The following FBXO25 variants were observed in gnomAD, a reference collection of about 807,000 sequenced individuals.
FBXO25 encodes F-box only protein 25.
Under a neutral mutation model 51.9 loss-of-function variants are expected in FBXO25, and 45 were observed. The observed-to-expected ratio is 0.87, with a 90% CI of 0.68 to 1.11. FBXO25 has a LOEUF of 1.11. Ranked by LOEUF, FBXO25 falls within the 50% of genes most tolerant of loss-of-function variation. The pLI, the probability that FBXO25 is intolerant of heterozygous loss-of-function variation, is 0.00. For synonymous variants in FBXO25, 199 were observed against 151.0 expected, an observed-to-expected ratio of 1.32 and a Z score of -2.33; for missense variants, 507 against 428.5, an observed-to-expected ratio of 1.18 and a Z score of -1.62.
rs1800453663 is a variant in FBXO25, at chr8:470,658, G to T, written c.*1854G>T. The T allele has an allele frequency of 6.6e-6, 1 of 152,218 alleles. No individual in the cohort carries two copies. Among genetic ancestry groups the T allele is most frequent in the African/African-American group, 2.4e-5 (1 of 41,446 alleles). The allele number at this position is 152,218 out of a possible 1,614,324, so 9.4% of individuals were successfully genotyped here. On this transcript the variant is annotated 3_prime_UTR_variant, in exon 10 of 10. Transcript: ENST00000350302. ...AGCTTCCCAAAGTGCTGGGATTACAGGCATGAGCCACCACGTCCAGCTGAG... is the reference window on the plus strand; with the variant it reads ...AGCTTCCCAAAGTGCTGGGATTACATGCATGAGCCACCACGTCCAGCTGAG...
At chr8:427,549 C>A (rs1279128908) in intron 2 of FBXO25, among the ~76,000 whole-genome samples, 2 of 150,478 alleles carry the variant, frequency 1.3e-5, no homozygotes, top group Non-Finnish European at 3.0e-5. Flanking sequence ...TCCATAACCA[C>A]AAACTCAGTG....
chr8:432,269 C>T (rs999532326), intron 3 of FBXO25, among the ~76,000 whole-genome samples: 1 of 151,950 alleles, frequency 6.6e-6, no homozygotes, highest in Admixed American at 6.6e-5. Flanking sequence ...GGAGGATTTG[C>T]ATCCCAGGCA....
At chr8:462,954 T>C (rs968637944) in intron 8 of FBXO25, 53 bp from the exon 9 acceptor site, 4 of 1,558,750 alleles carry the variant, frequency 2.6e-6, no homozygotes, top group Non-Finnish European at 3.5e-6. Context: ...CACCTAATAT[T>C]ATGTTTTGAA....
Position 477,222 on chromosome 8 carries a change from G to A in FBXO25, c.*8418G>A, listed in dbSNP as rs1432299846. The A allele has an allele frequency of 6.6e-6, 1 of 152,272 alleles. No individual in the cohort carries two copies. Among genetic ancestry groups the A allele is most frequent in the South Asian group, 2.1e-4 (1 of 4,826 alleles). 9.4% of individuals were successfully genotyped at this position (152,272 alleles called of 1,614,324 possible). ...AACATACTGTCTATCCTAGAGAAAG[G>A]TCCATTTGCACTTGAGAAAAACGTG... On this transcript the variant is annotated 3_prime_UTR_variant, in exon 10 of 10. Transcript: ENST00000350302.
At chr8:467,194 G>A (rs1331729364) in intron 9 of FBXO25, among the ~76,000 whole-genome samples, 3 of 152,182 alleles carry the variant, frequency 2.0e-5, no homozygotes, top group Non-Finnish European at 4.4e-5. Context: ...GCTTGGGTCT[G>A]TGTTGGAAAG....
intron 7 of FBXO25, among the ~76,000 whole-genome samples, chr8:456,524 C>T (rs139999846): frequency 1.3e-3 from 204 of 152,292 alleles, no homozygotes; most frequent in African/African-American, 4.7e-3. Flanking sequence ...GAAGTGATGT[C>T]TCTTGGACTG....
Position 429,641 on chromosome 8 carries a change from A to G in FBXO25, c.135-1700A>G, listed in dbSNP as rs199816566. Among the ~76,000 whole-genome samples the G allele has an allele frequency of 2.6e-5, 4 of 152,352 alleles. No homozygotes were observed. In the East Asian group the frequency reaches 5.8e-4, roughly 22 times the overall value. On this transcript the variant is annotated intron_variant, in intron 2 of 9. Coordinates refer to ENST00000350302, the MANE Select transcript of FBXO25 (RefSeq NM_183420.2). ...TACATTTTTGTTTACCTGACAGTGTAAAACCCACAACCAAAAAGTAATGGC... is the reference window on the plus strand; with the variant it reads ...TACATTTTTGTTTACCTGACAGTGTGAAACCCACAACCAAAAAGTAATGGC...
chr8:431,352 G>C lies in FBXO25; in HGVS notation c.146G>C (p.Ser49Thr). 1.3e-6 allele frequency: 2 copies of C among 1,486,282 alleles called. No homozygotes were observed. Among genetic ancestry groups the C allele is most frequent in the Non-Finnish European group, 1.8e-6 (2 of 1,094,216 alleles). The allele number at this position is 1,486,282 out of a possible 1,614,324, so 92.1% of individuals were successfully genotyped here. A position where few individuals can be genotyped will look rare whatever the true frequency, so the allele number is the denominator to read the frequency against. Residue 49 changes from serine to threonine, a missense_variant, in exon 3 of 10, where the codon AGT (serine) becomes ACT (threonine). By Grantham distance (58) the Ser-to-Thr change is moderately conservative. Coordinates refer to ENST00000350302, the MANE Select transcript of FBXO25 (RefSeq NM_183420.2). ...CNISHSIILN[S>T]EDGEIFNNEE... ...TGTCTTTATTTCAGTATCTTAAATA[G>C]TGAAGATGGAGAAATATTCAATAAT...
At chr8:431,611 C>G (rs184042762) in intron 3 of FBXO25, among the ~76,000 whole-genome samples, 167 bp downstream of exon 3, 1 of 152,180 alleles carries the variant, frequency 6.6e-6, no homozygotes. Context: ...GCAGCTCAAC[C>G]GTTTCAGTGG....
At position 468,803 on chromosome 8, in the gene FBXO25, A is replaced by G. The variant is rs1800362576; in HGVS notation, c.1076A>G (p.Ter359=). 6.2e-7 allele frequency: 1 copy of G among 1,613,602 alleles called. No homozygotes were observed. Among genetic ancestry groups the G allele is most frequent in the Admixed American group, 1.7e-5 (1 of 59,984 alleles). The change falls in exon 10 of 10, where the codon TAA becomes TGA. Residue 359 remains the stop codon, a stop_retained_variant. Coordinates refer to ENST00000350302, the MANE Select transcript of FBXO25 (RefSeq NM_183420.2). ...CACTTCATCGACCTCTTCAAGTTTT[A>G]AGGGCTGCCCCTGCCATCCCTATTG... ...PQHFIDLFKF[*] is the part of the protein sequence containing the mutation.
At chr8:418,330 G>GT (rs1796934500) in intron 2 of FBXO25, among the ~76,000 whole-genome samples, 4 of 104,588 alleles carry the variant, frequency 3.8e-5, no homozygotes, top group South Asian at 3.2e-4. Context: ...TCGTTTGTTT[G>GT]TTCTTTTTTT....
intron 8 of FBXO25, among the ~76,000 whole-genome samples, chr8:459,203 C>T (rs1799649644): frequency 6.6e-6 from 1 of 152,226 alleles, no homozygotes; most frequent in South Asian, 2.1e-4. Context: ...TGGTCGCAGC[C>T]AGAGAAGGCA....
rs1317904755 is a variant in FBXO25 at position 475,733 on chromosome 8, C to G, written c.*6929C>G. 1 of 152,026 alleles carries G rather than the reference C, an allele frequency of 6.6e-6. No individual in the cohort carries two copies. Among genetic ancestry groups the G allele is most frequent in the Non-Finnish European group, 1.5e-5 (1 of 68,000 alleles). 9.4% of individuals were successfully genotyped at this position (152,026 alleles called of 1,614,324 possible). On this transcript the variant is annotated 3_prime_UTR_variant, in exon 10 of 10. Coordinates refer to ENST00000350302, the MANE Select transcript of FBXO25 (RefSeq NM_183420.2). ...ATTGCTTGTTATTGTATAGAAATAT[C>G]ATGGATTTGTTGTGTTGATTTTGTA... is the stretch of plus-strand genomic sequence containing the variant.
At chr8:408,079 C>A (rs180778359) in intron 1 of FBXO25, among the ~76,000 whole-genome samples, 51 of 152,292 alleles carry the variant, frequency 3.3e-4, no homozygotes, top group African/African-American at 1.2e-3. Context: ...CATGAGGAAT[C>A]TGTGATTATC....
At chr8:437,332 G>C (rs747787828) in intron 5 of FBXO25, among the ~76,000 whole-genome samples, 1 of 152,194 alleles carries the variant, frequency 6.6e-6, no homozygotes, top group Non-Finnish European at 1.5e-5. Context: ...CTCAGATGTG[G>C]AGCGAGGGAA....
chr8:451,343 A>C lies in FBXO25; in HGVS notation c.550A>C (p.Ile184Leu), dbSNP rs767136429. ...QDLSSTLCIL[I>L]RGVGKSVLVG... ...CCTAAGCTCTACCCTCTGCATTCTTATTAGAGGAGTAGGGAAGTCTGTATT... is the reference window on the plus strand; with the variant it reads ...CCTAAGCTCTACCCTCTGCATTCTTCTTAGAGGAGTAGGGAAGTCTGTATT... Residue 184 changes from isoleucine (I) to leucine (L), a missense_variant, in exon 7 of 10, where the codon ATT becomes CTT. Ile to Leu is a conservative substitution (Grantham distance 5). Coordinates refer to ENST00000350302, the MANE Select transcript of FBXO25 (RefSeq NM_183420.2). 6.8e-6 allele frequency: 11 copies of C among 1,613,792 alleles called. No individual in the cohort carries two copies. In the South Asian group the frequency reaches 1.1e-4, roughly 16 times the overall value.
At chr8:411,356 G>A (rs1459527113) in intron 1 of FBXO25, among the ~76,000 whole-genome samples, 1 of 151,618 alleles carries the variant, frequency 6.6e-6, no homozygotes, top group African/African-American at 2.4e-5. Context: ...TACCTTTTTG[G>A]CTCTTCCTTT....
chr8:433,224 TTG>T (rs1311736363), intron 4 of FBXO25, among the ~76,000 whole-genome samples: 3 of 152,250 alleles, frequency 2.0e-5, no homozygotes, highest in East Asian at 1.9e-4. Flanking sequence ...GTATGTATGA[TTG>T]TGCATGTATT....
chr8:409,607 A>G (rs911735699), intron 1 of FBXO25, among the ~76,000 whole-genome samples: 3 of 152,202 alleles, frequency 2.0e-5, no homozygotes, highest in East Asian at 1.9e-4. Flanking sequence ...ATGAGTGGGC[A>G]TAGTGTCTAA....
Sources: gnomAD v4.1 joint callset for allele counts (sites outside exome capture counted in the v4.1 genomes callset) on GRCh38, gnomAD v4.1.1 for gene constraint, MANE v1.5 for transcripts, NCBI Gene and HGNC (gene_info 2026-07-23, HGNC 2026-07-21) for gene names.